The following SMARCA1 variants were observed in gnomAD, a reference collection of about 807,000 sequenced individuals.
The protein encoded by SMARCA1 is SNF2 related chromatin remodeling ATPase 1, also known as SWI/SNF-related matrix-associated actin-dependent regulator of chromatin subfamily A member 1.
A neutral mutation model predicts 93.6 loss-of-function variants in SMARCA1; 17 were observed. The ratio of observed to expected loss-of-function variants is 0.18; its 90% CI spans 0.12 to 0.27. SMARCA1 has a LOEUF of 0.27. Among genes scored for constraint, SMARCA1 ranks in the 10% least tolerant of loss-of-function variants. The probability of loss-of-function intolerance (pLI) is 1.00; values close to 1 mark genes in which losing one functional copy is unlikely to be tolerated. For synonymous variants in SMARCA1, 271 were observed against 271.4 expected (o/e 1.00, Z 0.01); for missense variants, 630 against 819.0 (o/e 0.77, Z 2.82).
At chrX:129,466,914 T>C (rs1193191743) in intron 21 of SMARCA1, among the ~76,000 whole-genome samples, 3 of 110,331 alleles carry the variant, frequency 2.7e-5, no homozygotes, top group Non-Finnish European at 5.7e-5. Flanking sequence ...TCAACCAAAT[T>C]TTATAGATGA....
chrX:129,457,274 A>G (rs1479892972), intron 23 of SMARCA1, among the ~76,000 whole-genome samples: 1 of 112,606 alleles, frequency 8.9e-6, no homozygotes, highest in Non-Finnish European at 1.9e-5. Flanking sequence ...CCTTATAGAC[A>G]AAACTTTTAT....
At chrX:129,481,831 G>A (rs1933677325) in intron 17 of SMARCA1, among the ~76,000 whole-genome samples, 1 of 110,863 alleles carries the variant, frequency 9.0e-6, no homozygotes, top group South Asian at 3.8e-4. Flanking sequence ...CCATTACTAG[G>A]TATATACCCA....
rs1671709709 is a variant in SMARCA1 at position 129,468,837 on chromosome X, A to G, written c.2634T>C (p.Asp878=). 8.5e-7 allele frequency: 1 copy of G among 1,178,524 alleles called. No homozygotes were observed. Among genetic ancestry groups the G allele is most frequent in the African/African-American group, 1.8e-5 (1 of 56,637 alleles). Residue 878 remains aspartate (D), a synonymous_variant, in exon 21 of 25, where the codon GAT becomes GAC. Transcript: ENST00000371121. ...FIKANEKYGR[D]DIDNIAREVE... ...CCTCTCGAGCTATGTTATCAATGTC[A>G]TCTCTTCCATATTTCTCATTAGCTT...
At chrX:129,517,788 A>T (rs886458987) in intron 2 of SMARCA1, among the ~76,000 whole-genome samples, 1 of 111,660 alleles carries the variant, frequency 9.0e-6, no homozygotes, top group Non-Finnish European at 1.9e-5. Flanking sequence ...TTTAGTAACT[A>T]AAAATTAAAT....
At chrX:129,481,758 T>C (rs1366859211) in intron 17 of SMARCA1, among the ~76,000 whole-genome samples, 1 of 111,743 alleles carries the variant, frequency 8.9e-6, no homozygotes, top group Non-Finnish European at 1.9e-5. Context: ...TCAACCCTTG[T>C]GGAAGTCAGT....
In SMARCA1 at chrX:129,518,351, C is replaced by T. The variant is rs1423301042; in HGVS notation, c.261+10G>A. 2.7e-6 allele frequency: 3 copies of T among 1,107,461 alleles called. No individual in the cohort carries two copies. Among genetic ancestry groups the T allele is most frequent in the East Asian group, 6.1e-5 (2 of 32,580 alleles). 91.3% of individuals were successfully genotyped at this position (1,107,461 alleles called of 1,213,427 possible). On this transcript the variant is annotated intron_variant, in intron 2 of 24. Transcript: ENST00000371121. Reference sequence around the variant, plus strand: ...ACAGCATTCACTATCCTATCCAAGACTACATTTACCATTTTCTCTTCATAT... The same window carrying T: ...ACAGCATTCACTATCCTATCCAAGATTACATTTACCATTTTCTCTTCATAT...
chrX:129,514,727 C>G (rs1250655255), intron 5 of SMARCA1, among the ~76,000 whole-genome samples: 1 of 111,428 alleles, frequency 9.0e-6, no homozygotes, highest in Non-Finnish European at 1.9e-5. Flanking sequence ...TAGGAAAAGA[C>G]AGAAGGACAC....
chrX:129,496,998 T>TGCACACACAC, intron 11 of SMARCA1, 127 bp from the exon 12 acceptor site: 1 of 465,101 alleles, frequency 2.2e-6, no homozygotes, highest in Non-Finnish European at 3.7e-6. Flanking sequence ...CACACACACG[T>TGCACACACAC]GCACACACAC....
intron 17 of SMARCA1, among the ~76,000 whole-genome samples, chrX:129,483,069 T>C (rs887954773): frequency 8.9e-6 from 1 of 112,337 alleles, no homozygotes; most frequent in African/African-American, 3.2e-5. Context: ...CAGTCCTTCA[T>C]TGATCCATAA....
chrX:129,447,388 C>A (rs1437739548), intron 24 of SMARCA1, 155 bp from the exon 25 acceptor site: 2 of 486,466 alleles, frequency 4.1e-6, no homozygotes, highest in Non-Finnish European at 6.3e-6. Context: ...TATAGCCCAA[C>A]AAACTATATA....
Position 129,448,899 on chromosome X carries a change from T to C in SMARCA1, c.3031-456A>G, listed in dbSNP as rs749437143. 2.7e-5 allele frequency among the ~76,000 whole-genome samples: 3 copies of C among 109,407 alleles called. No homozygotes were observed. The Admixed American group carries it at 3.0e-4, about 11-fold the overall frequency. On this transcript the variant is annotated intron_variant, in intron 23 of 24. Transcript: ENST00000371121. ...GAGGGTAGGTGTGACTGTAAAGAGATAGCACAATGGAGTCTTATGGTGGTG... is the reference window on the plus strand; with the variant it reads ...GAGGGTAGGTGTGACTGTAAAGAGACAGCACAATGGAGTCTTATGGTGGTG...
chrX:129,455,746 G>T (rs1052720683), intron 23 of SMARCA1, among the ~76,000 whole-genome samples: 2 of 112,187 alleles, frequency 1.8e-5, no homozygotes, highest in African/African-American at 6.5e-5. Context: ...GCCTCATCCA[G>T]AGCAAGATCC....
chrX:129,480,987 G>T, intron 18 of SMARCA1, 88 bp downstream of exon 18: 1 of 601,976 alleles, frequency 1.7e-6, no homozygotes, highest in Non-Finnish European at 2.6e-6. Context: ...ACTATGATTT[G>T]GCAATGATAC....
At chrX:129,518,691 G>A (rs1035798972) in intron 1 of SMARCA1, 12 of 211,605 alleles carry the variant, frequency 5.7e-5, no homozygotes, top group Non-Finnish European at 6.8e-5. Context: ...AATATTAATT[G>A]GAATAAAACC....
At chrX:129,514,361 T>C (rs769883738) in intron 5 of SMARCA1, among the ~76,000 whole-genome samples, 10 of 112,281 alleles carry the variant, frequency 8.9e-5, no homozygotes, top group Non-Finnish European at 1.9e-4. Flanking sequence ...GCTGATGAAT[T>C]AGCATCTTAT....
At chrX:129,521,310 T>C (rs1935386359) in intron 1 of SMARCA1, among the ~76,000 whole-genome samples, 1 of 112,463 alleles carries the variant, frequency 8.9e-6, no homozygotes. Flanking sequence ...CACTAACTGA[T>C]GGCCATGAAG....
Position 129,497,867 on chromosome X carries a change from T to C in SMARCA1, c.1482A>G (p.Leu494=), listed in dbSNP as rs1320659536. The part of the protein sequence containing the change: ...NSGKMVVLDK[L]LAKLKEQGSR... ...CACCCTGTTCTTTGAGTTTGGCCAATAGTTTATCCAGAACTACCATTTTAC... is the reference window on the plus strand; with the variant it reads ...CACCCTGTTCTTTGAGTTTGGCCAACAGTTTATCCAGAACTACCATTTTAC... The change falls in exon 11 of 25, where the codon CTA becomes CTG. Residue 494 remains leucine (L), a synonymous_variant. Coordinates refer to ENST00000371121, the MANE Select transcript of SMARCA1 (RefSeq NM_001282874.2). 3 of 1,191,426 alleles carry C rather than the reference T, an allele frequency of 2.5e-6. No homozygotes were observed. The highest frequency in any genetic ancestry group is 3.4e-6 in the Non-Finnish European group (3 of 878,549).
At chrX:129,489,935 G>A in intron 15 of SMARCA1, 125 bp downstream of exon 15, 1 of 454,629 alleles carries the variant, frequency 2.2e-6, no homozygotes, top group South Asian at 4.0e-5. Flanking sequence ...GGGATACACA[G>A]TGATGTTTCA....
intron 24 of SMARCA1, 52 bp from the exon 25 acceptor site, chrX:129,447,285 G>T: frequency 9.1e-7 from 1 of 1,095,315 alleles, no homozygotes; most frequent in South Asian, 2.2e-5. Flanking sequence ...ATTTTAAATG[G>T]CCCAACAATG....
Sources: allele counts gnomAD v4.1 joint callset (sites outside exome capture counted in the v4.1 genomes callset), GRCh38; gene constraint gnomAD v4.1.1; transcripts MANE v1.5; gene names NCBI Gene and HGNC (gene_info 2026-07-23, HGNC 2026-07-21).